SND1: variants seen among roughly 807,000 people sequenced by gnomAD.
SND1 encodes the protein staphylococcal nuclease domain-containing protein 1.
Under a neutral mutation model 121.7 loss-of-function variants are expected in SND1, and 38 were observed. The ratio of observed to expected loss-of-function variants is 0.31; its 90% confidence interval spans 0.24 to 0.41. The LOEUF is 0.41. Among genes scored for constraint, SND1 ranks in the 10% least tolerant of loss-of-function variants. The pLI, the probability that SND1 is intolerant of heterozygous loss-of-function variation, is 1.00. For missense variants in SND1, 868 were observed against 1,184.6 expected (o/e 0.73, Z 3.92); for synonymous variants, 401 against 447.4 (o/e 0.90, Z 1.31).
intron 12 of SND1, among the ~76,000 whole-genome samples, chr7:127,875,617 A>G (rs7783102): frequency 0.21 from 32,515 of 152,100 alleles, 4,109 homozygotes; most frequent in African/African-American, 0.35. Flanking sequence ...TGGCTCTGCC[A>G]CTTACAAAAT....
chr7:127,821,653 A>AT (rs1291678122), intron 11 of SND1, among the ~76,000 whole-genome samples: 1 of 151,898 alleles, frequency 6.6e-6, no homozygotes, highest in African/African-American at 2.4e-5. Context: ...TTTTTAAAAA[A>AT]TTTTTGTTTT....
intron 12 of SND1, among the ~76,000 whole-genome samples, chr7:127,864,526 A>G (rs1329205936): frequency 6.6e-6 from 1 of 152,064 alleles, no homozygotes; most frequent in Non-Finnish European, 1.5e-5. Flanking sequence ...GCTATCTAGA[A>G]CAGTTCTGAA....
intron 15 of SND1, among the ~76,000 whole-genome samples, chr7:127,966,403 T>C (rs1267297541): frequency 7.2e-6 from 1 of 138,788 alleles, no homozygotes; most frequent in East Asian, 2.0e-4. Context: ...AATATACATT[T>C]TTTTCAGCAC....
chr7:128,000,567 A>G (rs1802801527), intron 16 of SND1, among the ~76,000 whole-genome samples: 1 of 151,822 alleles, frequency 6.6e-6, no homozygotes, highest in Admixed American at 6.6e-5. Context: ...ACAGGCTTTC[A>G]CCATGTTGCC....
intron 16 of SND1, among the ~76,000 whole-genome samples, chr7:128,053,942 G>A (rs1015454893): frequency 2.6e-5 from 4 of 152,172 alleles, no homozygotes; most frequent in African/African-American, 7.2e-5. Context: ...CACTGGAGCC[G>A]CTCTGCAATA....
At position 127,658,486 on chromosome 7, in the gene SND1, G is replaced by A. The variant is rs145141178; in HGVS notation, c.78+6035G>A. Among the ~76,000 whole-genome samples, 109 of 152,292 alleles carry A rather than the reference G, an allele frequency of 7.2e-4. No individual in the cohort carries two copies. In the East Asian group the frequency reaches 0.014, roughly 20 times the overall value. ...TGGATTAAAAAAGAAAATGCCAAAA[G>A]TAGGCTTTATAAGAGCTAAATAGCA... On this transcript the variant is annotated intron_variant, in intron 1 of 23. Transcript: ENST00000354725.
intron 16 of SND1, among the ~76,000 whole-genome samples, chr7:128,004,109 A>G (rs1470156086): frequency 6.7e-6 from 1 of 149,240 alleles, no homozygotes; most frequent in African/African-American, 2.5e-5. Context: ...TAGACTGGCT[A>G]ACTGTGATAT....
chr7:127,678,278 C>G (rs905326106), intron 1 of SND1, among the ~76,000 whole-genome samples: 1 of 152,168 alleles, frequency 6.6e-6, no homozygotes, highest in Non-Finnish European at 1.5e-5. Flanking sequence ...GATTTCTCAG[C>G]TGTAAAATAA....
intron 10 of SND1, among the ~76,000 whole-genome samples, chr7:127,727,686 T>C (rs1343505419): frequency 6.6e-6 from 1 of 152,140 alleles, no homozygotes; most frequent in African/African-American, 2.4e-5. Context: ...TTCACCAGTC[T>C]CCAATGGAGA....
In SND1 at chr7:128,059,743, C is replaced by T. The variant is rs28620064; in HGVS notation, c.1780-14759C>T. On this transcript the variant is annotated intron_variant, in intron 16 of 23. Coordinates refer to ENST00000354725, the MANE Select transcript of SND1 (RefSeq NM_014390.4). ...CTGTTTGTCTGGCCTTGGAAGCTGTCTTTGTTAGGAAAGCTCTGGACAGCA... is the reference window on the plus strand; with the variant it reads ...CTGTTTGTCTGGCCTTGGAAGCTGTTTTTGTTAGGAAAGCTCTGGACAGCA... 6.8e-4 allele frequency among the ~76,000 whole-genome samples: 104 copies of T among 152,228 alleles called. 1 individual carries two copies. Among genetic ancestry groups the T allele is most frequent in the African/African-American group, 2.2e-3 (93 of 41,528 alleles).
chr7:127,768,751 A>G (rs1300750072), intron 10 of SND1, among the ~76,000 whole-genome samples: 1 of 152,252 alleles, frequency 6.6e-6, no homozygotes, highest in Non-Finnish European at 1.5e-5. Flanking sequence ...ATCTAAGGTC[A>G]GAGTATGAGA....
rs1275655068 is a variant in SND1, at chr7:128,089,375, G to C, written c.2419-114G>C. The C allele has an allele frequency of 4.8e-6, 5 of 1,036,928 alleles. No individual in the cohort carries two copies. The African/African-American group carries it at 8.0e-5, about 17-fold the overall frequency. The allele number at this position is 1,036,928 out of a possible 1,614,324, so 64.2% of individuals were successfully genotyped here. On this transcript the variant is annotated intron_variant, in intron 21 of 23. Coordinates refer to ENST00000354725, the MANE Select transcript of SND1 (RefSeq NM_014390.4). ...GGCCAACCTCACTAGGGTTCTCTGG[G>C]GAGAAAATTACAGGCCCCTGCTGGC...
At chr7:127,820,806 G>A (rs926916328) in intron 11 of SND1, among the ~76,000 whole-genome samples, 1 of 152,080 alleles carries the variant, frequency 6.6e-6, no homozygotes, top group African/African-American at 2.4e-5. Flanking sequence ...ACTTTCCAAT[G>A]TGTATGCTCC....
chr7:127,793,079 C>G (rs1228262129), intron 10 of SND1, among the ~76,000 whole-genome samples: 1 of 152,184 alleles, frequency 6.6e-6, no homozygotes, highest in East Asian at 1.9e-4. Flanking sequence ...ACTACTAGAT[C>G]CAACTTTTTC....
chr7:128,037,977 C>G (rs1012603641), intron 16 of SND1, among the ~76,000 whole-genome samples: 4 of 152,182 alleles, frequency 2.6e-5, no homozygotes, highest in Admixed American at 1.3e-4. Flanking sequence ...TCCACTGTAT[C>G]TAAGTCTTAG....
chr7:127,973,732 CCTG>C (rs1437016501), intron 15 of SND1, among the ~76,000 whole-genome samples: 1 of 152,204 alleles, frequency 6.6e-6, no homozygotes, highest in African/African-American at 2.4e-5. Context: ...TCCACAATGA[CCTG>C]TGTGGATTCT....
intron 10 of SND1, among the ~76,000 whole-genome samples, chr7:127,783,121 G>A (rs1436945523): frequency 6.6e-6 from 1 of 152,194 alleles, no homozygotes; most frequent in Non-Finnish European, 1.5e-5. Flanking sequence ...CATGCCTTCT[G>A]AGGATTGCAT....
chr7:127,824,903 T>A (rs1284885877), intron 11 of SND1, among the ~76,000 whole-genome samples: 1 of 152,148 alleles, frequency 6.6e-6, no homozygotes, highest in Non-Finnish European at 1.5e-5. Flanking sequence ...TTGCCAAATT[T>A]TTGGTCTGTT....
chr7:127,680,811 T>C (rs1215985539), intron 1 of SND1, among the ~76,000 whole-genome samples: 1 of 151,368 alleles, frequency 6.6e-6, no homozygotes, highest in Non-Finnish European at 1.5e-5. Context: ...AAGACAGGCA[T>C]AGGAAATCAC....
Sources: allele counts gnomAD v4.1 joint callset (sites outside exome capture counted in the v4.1 genomes callset), GRCh38; gene constraint gnomAD v4.1.1; transcripts MANE v1.5; gene names NCBI Gene and HGNC (gene_info 2026-07-23, HGNC 2026-07-21).